CCSER1: variants seen among roughly 807,000 people sequenced by gnomAD.
CCSER1 encodes the protein coiled-coil serine rich protein 1.
CCSER1 carries 41 observed loss-of-function variants against 82.0 expected under a neutral mutation model. The observed-to-expected ratio is 0.50, with a 90% CI of 0.39 to 0.65. CCSER1 has a LOEUF of 0.65. Ranked by LOEUF, CCSER1 falls within the 30% of genes least tolerant of loss-of-function variation. CCSER1 has a pLI of 0.00. For missense variants in CCSER1, 1,119 were observed against 1,064.2 expected (o/e 1.05, Z -0.72); for synonymous variants, 414 against 383.9 (o/e 1.08, Z -0.92).
At position 91,598,863 on chromosome 4, in the gene CCSER1, G is replaced by A. The variant is rs374138135; in HGVS notation, c.2509G>A (p.Glu837Lys). 88 of 1,551,522 alleles carry A rather than the reference G, an allele frequency of 5.7e-5. 1 individual carries two copies. In the African/African-American group the frequency reaches 1.0e-3, roughly 18 times the overall value. The change falls in exon 11 of 11, where the codon GAA (glutamate) becomes AAA (lysine). Residue 837 changes from glutamate to lysine, a missense_variant. Coordinates refer to ENST00000509176, the MANE Select transcript of CCSER1 (RefSeq NM_001145065.2). ...CTCTCTGAAGCCAACAGCTAAGACA[G>A]AAGGGCTCTCCACGTTCTTAGAGAA... ...QSSLKPTAKT[E>K]GLSTFLEKPK...
chr4:90,362,179 T>C (rs573402328), intron 3 of CCSER1, among the ~76,000 whole-genome samples: 19 of 152,302 alleles, frequency 1.2e-4, no homozygotes, highest in African/African-American at 3.4e-4. Context: ...TCTTGTGTCT[T>C]ATGTCAACAT....
intron 3 of CCSER1, among the ~76,000 whole-genome samples, chr4:90,327,325 G>A (rs893933760): frequency 3.0e-4 from 45 of 152,018 alleles, no homozygotes; most frequent in African/African-American, 1.1e-3. Context: ...TTTCTTCTAA[G>A]CAAAAATTCT....
intron 6 of CCSER1, among the ~76,000 whole-genome samples, chr4:90,650,044 G>C (rs1482519756): frequency 6.6e-6 from 1 of 151,978 alleles, no homozygotes. Flanking sequence ...GTGAAACCCC[G>C]TGTCTACTAA....
intron 1 of CCSER1, among the ~76,000 whole-genome samples, chr4:90,272,449 G>A (rs950140520): frequency 1.3e-5 from 2 of 152,092 alleles, no homozygotes; most frequent in African/African-American, 4.8e-5. Context: ...ACTCTCATGC[G>A]CTGTTGGTGG....
intron 1 of CCSER1, among the ~76,000 whole-genome samples, chr4:90,197,440 A>G (rs1560781414): frequency 6.6e-6 from 1 of 152,178 alleles, no homozygotes; most frequent in Admixed American, 6.6e-5. Context: ...TATATACCCC[A>G]AAGAAAGGAT....
intron 8 of CCSER1, among the ~76,000 whole-genome samples, chr4:90,851,564 C>T (rs909426874): frequency 2.8e-5 from 4 of 143,212 alleles, no homozygotes; most frequent in East Asian, 2.1e-4. Context: ...TTATTGGCTA[C>T]TTATAGAGCT....
chr4:90,621,108 C>G (rs1188060274), intron 5 of CCSER1, among the ~76,000 whole-genome samples: 3 of 152,146 alleles, frequency 2.0e-5, no homozygotes, highest in African/African-American at 7.2e-5. Context: ...TGTGAGCCAC[C>G]CTGCCCGGCC....
chr4:91,372,197 G>T (rs543947268), intron 10 of CCSER1, among the ~76,000 whole-genome samples: 153 of 152,212 alleles, frequency 1.0e-3, no homozygotes, highest in Non-Finnish European at 1.9e-3. Flanking sequence ...TACAAAACAA[G>T]CTTGAACTTC....
chr4:90,894,489 T>C (rs1292928849), intron 8 of CCSER1, among the ~76,000 whole-genome samples: 1 of 152,030 alleles, frequency 6.6e-6, no homozygotes, highest in African/African-American at 2.4e-5. Context: ...GTTCTTTTTG[T>C]TGATTCTTTT....
At position 91,508,342 on chromosome 4, in the gene CCSER1, T is replaced by C. The variant is rs534545221; in HGVS notation, c.2218-90230T>C. 7.2e-4 allele frequency among the ~76,000 whole-genome samples: 109 copies of C among 151,892 alleles called. 1 individual carries two copies. The highest frequency in any genetic ancestry group is 1.5e-3 in the Non-Finnish European group (101 of 67,862). On this transcript the variant is annotated intron_variant, in intron 10 of 10. Coordinates refer to ENST00000509176, the MANE Select transcript of CCSER1 (RefSeq NM_001145065.2). ...GGTGGCGCATTTATCCAATATCTTA[T>C]AGCATCTATTGAGATGATCATGTGG...
chr4:90,345,137 A>AT (rs924726595), intron 3 of CCSER1, among the ~76,000 whole-genome samples: 3 of 152,162 alleles, frequency 2.0e-5, no homozygotes, highest in Non-Finnish European at 4.4e-5. Flanking sequence ...TGATGATGAC[A>AT]TTTAAGAATA....
At chr4:91,359,461 G>C (rs921846037) in intron 10 of CCSER1, among the ~76,000 whole-genome samples, 4 of 151,842 alleles carry the variant, frequency 2.6e-5, no homozygotes, top group African/African-American at 9.7e-5. Context: ...AACAGTGACT[G>C]ATAAACTTAT....
intron 3 of CCSER1, among the ~76,000 whole-genome samples, chr4:90,332,620 A>G (rs982453071): frequency 1.8e-4 from 27 of 152,310 alleles, no homozygotes; most frequent in African/African-American, 5.8e-4. Context: ...AGATAGATTT[A>G]CAAATTGGTG....
chr4:90,225,636 C>A (rs1236995562), intron 1 of CCSER1, among the ~76,000 whole-genome samples: 5 of 152,150 alleles, frequency 3.3e-5, no homozygotes, highest in Non-Finnish European at 2.9e-5. Context: ...CAATAAGATT[C>A]TAAAGCTATA....
At chr4:90,760,634 AAT>A (rs1408893018) in intron 7 of CCSER1, among the ~76,000 whole-genome samples, 5 of 152,158 alleles carry the variant, frequency 3.3e-5, no homozygotes, top group African/African-American at 1.2e-4. Flanking sequence ...AGTTTAAACA[AAT>A]AGAAATGTTC....
At chr4:91,491,047 G>A (rs745546954) in intron 10 of CCSER1, among the ~76,000 whole-genome samples, 2 of 149,090 alleles carry the variant, frequency 1.3e-5, no homozygotes, top group Non-Finnish European at 1.5e-5. Flanking sequence ...TATTATTCAC[G>A]TGAACCCTCT....
chr4:91,214,555 T>C (rs1737092355), intron 10 of CCSER1, among the ~76,000 whole-genome samples: 1 of 152,208 alleles, frequency 6.6e-6, no homozygotes, highest in Non-Finnish European at 1.5e-5. Flanking sequence ...TTCTCTACTT[T>C]CACTAGACTA....
intron 10 of CCSER1, among the ~76,000 whole-genome samples, chr4:91,135,484 G>A (rs1207030342): frequency 6.6e-6 from 1 of 152,204 alleles, no homozygotes; most frequent in South Asian, 2.1e-4. Flanking sequence ...ATTCTAGATG[G>A]TGGAATTGTT....
At chr4:90,990,356 G>T (rs1457025740) in intron 9 of CCSER1, among the ~76,000 whole-genome samples, 1 of 151,856 alleles carries the variant, frequency 6.6e-6, no homozygotes, top group Non-Finnish European at 1.5e-5. Context: ...CTTAAAATAC[G>T]ATGTACATAA....
Sources: allele counts gnomAD v4.1 joint callset (sites outside exome capture counted in the v4.1 genomes callset), GRCh38; gene constraint gnomAD v4.1.1; transcripts MANE v1.5; gene names NCBI Gene and HGNC (gene_info 2026-07-23, HGNC 2026-07-21).